Variants in NSUN2 observed in about 807,000 individuals in gnomAD.
The protein encoded by NSUN2 is RNA cytosine C(5)-methyltransferase NSUN2.
NSUN2 carries 63 observed loss-of-function variants against 92.7 expected under a neutral mutation model. The observed-to-expected ratio is 0.68, with a 90% CI of 0.56 to 0.84. NSUN2 has a LOEUF of 0.84. Ranked by LOEUF, NSUN2 falls within the 40% of genes least tolerant of loss-of-function variation. The pLI is 0.00. For synonymous variants in NSUN2, 356 were observed against 348.3 expected (o/e 1.02, Z -0.25); for missense variants, 989 against 964.9 (o/e 1.02, Z -0.33).
At chr5:6,605,972 G>A (rs573922735) in intron 14 of NSUN2, among the ~76,000 whole-genome samples, 2 of 152,064 alleles carry the variant, frequency 1.3e-5, no homozygotes, top group African/African-American at 2.4e-5. Flanking sequence ...GGATGTGCCC[G>A]GCTGAGACTT....
intron 14 of NSUN2, among the ~76,000 whole-genome samples, chr5:6,606,174 A>G (rs1182887578): frequency 1.3e-5 from 2 of 152,302 alleles, no homozygotes; most frequent in East Asian, 3.9e-4. Flanking sequence ...GCTGCTCTTC[A>G]TTTCTTCTAC....
At chr5:6,611,691 C>T in intron 10 of NSUN2, 34 bp downstream of exon 10, 1 of 1,591,564 alleles carries the variant, frequency 6.3e-7, no homozygotes, top group Non-Finnish European at 8.6e-7. Flanking sequence ...GCTGCACCTA[C>T]TCTTTAGAAT....
chr5:6,609,823 C>T lies in NSUN2; in HGVS notation c.1323+3G>A, dbSNP rs1736914980. Reference sequence around the variant, plus strand: ...ATGTCATTTTGGAAAAAGAAAAACTCACCTTTGGCTGACGTTTATTCCACG... The same window carrying T: ...ATGTCATTTTGGAAAAAGAAAAACTTACCTTTGGCTGACGTTTATTCCACG... On this transcript the variant is annotated splice_donor_region_variant and intron_variant, in intron 12 of 18. Coordinates refer to ENST00000264670, the MANE Select transcript of NSUN2 (RefSeq NM_017755.6). 4 of 1,606,760 alleles carry T rather than the reference C, an allele frequency of 2.5e-6. No individual in the cohort carries two copies. The highest frequency in any genetic ancestry group is 3.4e-6 in the Non-Finnish European group (4 of 1,176,882).
chr5:6,624,775 T>C (rs539903688), intron 4 of NSUN2, among the ~76,000 whole-genome samples: 69 of 151,850 alleles, frequency 4.5e-4, no homozygotes, highest in African/African-American at 1.6e-3. Context: ...AACCATAATC[T>C]GGTGACACAC....
chr5:6,619,713 A>T (rs1737356951), intron 7 of NSUN2, among the ~76,000 whole-genome samples: 1 of 152,258 alleles, frequency 6.6e-6, no homozygotes, highest in African/African-American at 2.4e-5. Flanking sequence ...TTTTATGACA[A>T]AGTTTTTTAT....
intron 16 of NSUN2, 74 bp from the exon 17 acceptor site, chr5:6,604,350 G>T: frequency 7.4e-7 from 1 of 1,357,646 alleles, no homozygotes; most frequent in Non-Finnish European, 1.0e-6. Flanking sequence ...GCTCTCAGGG[G>T]CTATGCTCTT....
At chr5:6,610,694 A>C (rs1296851023) in intron 11 of NSUN2, among the ~76,000 whole-genome samples, 1 of 152,066 alleles carries the variant, frequency 6.6e-6, no homozygotes, top group Non-Finnish European at 1.5e-5. Context: ...AAAAAAAAAA[A>C]AAAAAAGTTC....
At chr5:6,630,185 A>G (rs1737819861) in intron 3 of NSUN2, among the ~76,000 whole-genome samples, 2 of 152,158 alleles carry the variant, frequency 1.3e-5, no homozygotes, top group Non-Finnish European at 2.9e-5. Context: ...AAAAACATCT[A>G]CCTTTTCCAC....
At chr5:6,632,204 T>C (rs1180929252) in intron 2 of NSUN2, among the ~76,000 whole-genome samples, 1 of 119,362 alleles carries the variant, frequency 8.4e-6, no homozygotes, top group African/African-American at 3.7e-5. Flanking sequence ...AAGCATATCC[T>C]ACCGTTAAGT....
chr5:6,626,824 A>T (rs1737675526), intron 3 of NSUN2, among the ~76,000 whole-genome samples: 1 of 152,228 alleles, frequency 6.6e-6, no homozygotes, highest in East Asian at 1.9e-4. Flanking sequence ...AGATGCAGTA[A>T]TACACTCAAT....
Position 6,611,816 on chromosome 5 carries a change from G to A in NSUN2, c.1022-18C>T. ...CAAAGCACCTGTGCAGCAAAAGCAT[G>A]GACGTCTTTTGTTTTTCAAAAAAGT... On this transcript the variant is annotated intron_variant, in intron 9 of 18. Coordinates refer to ENST00000264670, the MANE Select transcript of NSUN2 (RefSeq NM_017755.6). The A allele has an allele frequency of 1.2e-6, 2 of 1,612,168 alleles. No individual in the cohort carries two copies. Among genetic ancestry groups the A allele is most frequent in the Middle Eastern group, 1.7e-4 (1 of 6,060 alleles).
chr5:6,631,953 G>A lies in NSUN2; in HGVS notation c.279C>T (p.Cys93=). 5 of 1,613,454 alleles carry A rather than the reference G, an allele frequency of 3.1e-6. No homozygotes were observed. The highest frequency in any genetic ancestry group is 4.2e-6 in the Non-Finnish European group (5 of 1,179,768). The change falls in exon 3 of 19, where the codon TGC becomes TGT. Residue 93 remains cysteine (C), a synonymous_variant. Transcript: ENST00000264670. ...ATTCCTTAAAATATTTGTTCTTTAA[G>A]CAATGGAGAATCTCTTTTGCGTGGC... ...YKSHAKEILH[C]LKNKYFKELE... is the part of the protein sequence containing the mutation.
intron 3 of NSUN2, among the ~76,000 whole-genome samples, chr5:6,628,692 C>T (rs554061009): frequency 4.6e-5 from 7 of 152,268 alleles, no homozygotes; most frequent in African/African-American, 1.7e-4. Flanking sequence ...AGATTTAGTA[C>T]CCTAAAACTG....
chr5:6,614,782 G>A (rs1021710210), intron 9 of NSUN2, among the ~76,000 whole-genome samples: 4 of 152,134 alleles, frequency 2.6e-5, no homozygotes, highest in African/African-American at 9.7e-5. Flanking sequence ...TAATGAGACA[G>A]GCAAACAGCA....
chr5:6,607,098 G>A, intron 13 of NSUN2, 102 bp downstream of exon 13: 1 of 1,204,146 alleles, frequency 8.3e-7, no homozygotes. Context: ...CACATGTACT[G>A]CCCCCTCAAA....
Position 6,600,082 on chromosome 5 carries a change from G to T in NSUN2, c.2148C>A (p.Ile716=). The T allele has an allele frequency of 6.2e-7, 1 of 1,614,178 alleles. No individual in the cohort carries two copies. The part of the protein sequence containing the change: ...VLGEKKKEGV[I]LTNESAASTG... ...TGCTGGCTGCACTCTCATTTGTGAG[G>T]ATAACCCCTTCCTTCTTCTTTTCTC... The change falls in exon 19 of 19, where the codon ATC becomes ATA. Residue 716 remains isoleucine (I), a synonymous_variant. Transcript: ENST00000264670.
At position 6,632,488 on chromosome 5, in the gene NSUN2, T is replaced by C. The variant is rs553059171; in HGVS notation, c.254+111A>G. On this transcript the variant is annotated intron_variant, in intron 2 of 18. Transcript: ENST00000264670. ...TCAATGCTTCCTGAATCCAAACCGCTGAAACGCCACGGTTCTCTGGCACTG... is the reference window on the plus strand; with the variant it reads ...TCAATGCTTCCTGAATCCAAACCGCCGAAACGCCACGGTTCTCTGGCACTG... 1.4e-5 allele frequency: 19 copies of C among 1,314,214 alleles called. 2 individuals are homozygous for C. The South Asian group carries it at 2.4e-4, about 17-fold the overall frequency. 81.4% of individuals were successfully genotyped at this position (1,314,214 alleles called of 1,614,324 possible).
At chr5:6,630,766 T>C (rs952049037) in intron 3 of NSUN2, among the ~76,000 whole-genome samples, 1 of 152,200 alleles carries the variant, frequency 6.6e-6, no homozygotes, top group African/African-American at 2.4e-5. Context: ...TAACACTACG[T>C]ACTGGAATAG....
chr5:6,611,659 A>C, intron 10 of NSUN2, 66 bp downstream of exon 10: 1 of 1,350,466 alleles, frequency 7.4e-7, no homozygotes, highest in Non-Finnish European at 1.1e-6. Context: ...AATGCTTTGA[A>C]ACTTGACTCT....
Sources: gnomAD v4.1 joint callset for allele counts (sites outside exome capture counted in the v4.1 genomes callset) on GRCh38, gnomAD v4.1.1 for gene constraint, MANE v1.5 for transcripts, NCBI Gene and HGNC (gene_info 2026-07-23, HGNC 2026-07-21) for gene names.